RBM47: variants seen among roughly 807,000 people sequenced by gnomAD.
RBM47 encodes the protein RNA-binding protein 47.
Under a neutral mutation model 47.1 loss-of-function variants are expected in RBM47, and 21 were observed. The observed-to-expected ratio is 0.45, with a 90% CI of 0.32 to 0.64. The LOEUF (loss-of-function observed/expected upper bound fraction) is 0.64. RBM47 is among the 30% of genes least tolerant of loss of function. RBM47 has a pLI of 0.05. For missense variants in RBM47, 708 were observed against 870.9 expected (o/e 0.81, Z 2.35); for synonymous variants, 375 against 361.7 (o/e 1.04, Z -0.42).
chr4:40,462,814 A>G (rs886631691), intron 3 of RBM47, among the ~76,000 whole-genome samples: 1 of 152,198 alleles, frequency 6.6e-6, no homozygotes, highest in Non-Finnish European at 1.5e-5. Context: ...CAAATAGATC[A>G]AAGACCTAAA....
intron 1 of RBM47, among the ~76,000 whole-genome samples, chr4:40,610,610 C>CAAAA (rs34149753): frequency 1.3e-4 from 7 of 52,790 alleles, no homozygotes; most frequent in African/African-American, 1.7e-4. Flanking sequence ...GACTCCATCT[C>CAAAA]AAAAAAAAAA....
intron 2 of RBM47, among the ~76,000 whole-genome samples, chr4:40,533,749 T>G (rs991624678): frequency 6.6e-6 from 1 of 151,846 alleles, no homozygotes; most frequent in African/African-American, 2.4e-5. Flanking sequence ...GATCCTTGCA[T>G]CCTAGACCCT....
In RBM47 at chr4:40,565,571, G is replaced by C. The variant is rs28655609; in HGVS notation, c.-239-21065C>G. Among the ~76,000 whole-genome samples the C allele has an allele frequency of 8.1e-3, 1,229 of 152,238 alleles. 19 individuals carry two copies. The highest frequency in any genetic ancestry group is 0.026 in the African/African-American group (1,061 of 41,552). On this transcript the variant is annotated intron_variant, in intron 1 of 6. Transcript: ENST00000295971. The stretch of plus-strand genomic sequence containing the variant: ...TGTACAATTAGCCCTGGTGAAAAGT[G>C]CAAGCTTTGGAATTAAGATTTGGGC...
At chr4:40,505,271 C>T (rs1359105492) in intron 2 of RBM47, among the ~76,000 whole-genome samples, 1 of 151,152 alleles carries the variant, frequency 6.6e-6, no homozygotes, top group Non-Finnish European at 1.5e-5. Context: ...GGTGGCTGAT[C>T]ACTTGAGGCC....
intron 3 of RBM47, among the ~76,000 whole-genome samples, chr4:40,463,686 G>A (rs1026173036): frequency 2.1e-4 from 32 of 151,838 alleles, no homozygotes; most frequent in African/African-American, 7.3e-4. Flanking sequence ...GGCTAGAGGT[G>A]GGGTAGGTAA....
intron 3 of RBM47, among the ~76,000 whole-genome samples, chr4:40,465,594 G>A (rs188381619): frequency 6.0e-4 from 92 of 152,118 alleles, no homozygotes; most frequent in Non-Finnish European, 1.1e-3. Context: ...CAGGAGAATT[G>A]CTCGAACCCG....
chr4:40,466,737 A>G (rs1444416418), intron 2 of RBM47, 38 bp from the exon 3 acceptor site: 1 of 120,942 alleles, frequency 8.3e-6, no homozygotes, highest in Admixed American at 1.2e-4. Context: ...AATATTTTCT[A>G]TTTCAACATG....
At chr4:40,434,547 C>G (rs1217212556) in intron 5 of RBM47, among the ~76,000 whole-genome samples, 1 of 152,092 alleles carries the variant, frequency 6.6e-6, no homozygotes, top group African/African-American at 2.4e-5. Context: ...CCCTTCTCAA[C>G]AAGTAGAAGC....
At chr4:40,578,319 T>G (rs1294029498) in intron 1 of RBM47, among the ~76,000 whole-genome samples, 1 of 152,250 alleles carries the variant, frequency 6.6e-6, no homozygotes, top group African/African-American at 2.4e-5. Flanking sequence ...ATACTTTAAG[T>G]TCTTTCCTTC....
At chr4:40,514,994 C>T (rs1725405275) in intron 2 of RBM47, among the ~76,000 whole-genome samples, 1 of 152,224 alleles carries the variant, frequency 6.6e-6, no homozygotes, top group South Asian at 2.1e-4. Context: ...AGTAGCATCT[C>T]CACATTGACC....
intron 2 of RBM47, among the ~76,000 whole-genome samples, chr4:40,492,614 C>T (rs1722037164): frequency 6.6e-6 from 1 of 152,188 alleles, no homozygotes; most frequent in Non-Finnish European, 1.5e-5. Flanking sequence ...CACTAAAAAC[C>T]TCACCATGCA....
chr4:40,571,524 CT>C (rs1731708444), intron 1 of RBM47, among the ~76,000 whole-genome samples: 2 of 152,014 alleles, frequency 1.3e-5, no homozygotes, highest in Admixed American at 1.3e-4. Context: ...ATAGGAGAAT[CT>C]TTTATAATCT....
intron 1 of RBM47, among the ~76,000 whole-genome samples, chr4:40,572,175 G>C (rs1731793383): frequency 6.7e-6 from 1 of 150,164 alleles, no homozygotes; most frequent in Non-Finnish European, 1.5e-5. Context: ...CTGAGGTCAG[G>C]GGTTCGAAAC....
chr4:40,430,395 G>A (rs1715797157), intron 6 of RBM47, among the ~76,000 whole-genome samples: 2 of 152,152 alleles, frequency 1.3e-5, no homozygotes. Context: ...CTTACTAAAG[G>A]AGAATTAGAA....
At chr4:40,524,904 G>A (rs1016693771) in intron 2 of RBM47, among the ~76,000 whole-genome samples, 2 of 152,174 alleles carry the variant, frequency 1.3e-5, no homozygotes, top group African/African-American at 2.4e-5. Flanking sequence ...AAATGCAAAC[G>A]TTGTAAGCAA....
intron 4 of RBM47, 67 bp from the exon 5 acceptor site, chr4:40,436,714 C>T (rs1712485132): frequency 6.7e-7 from 1 of 1,498,428 alleles, no homozygotes; most frequent in Non-Finnish European, 9.2e-7. Flanking sequence ...GACCTCAGCC[C>T]TCGGTTCTCG....
intron 1 of RBM47, among the ~76,000 whole-genome samples, chr4:40,568,776 T>C (rs1407351372): frequency 2.6e-5 from 4 of 151,540 alleles, no homozygotes; most frequent in African/African-American, 9.7e-5. Context: ...AGGTCAGGAG[T>C]TCGAGACCAG....
At chr4:40,428,724 G>C (rs1715437104) in intron 6 of RBM47, among the ~76,000 whole-genome samples, 1 of 152,178 alleles carries the variant, frequency 6.6e-6, no homozygotes, top group African/African-American at 2.4e-5. Flanking sequence ...GGAATCAAGA[G>C]TAGGTCCCCA....
intron 2 of RBM47, among the ~76,000 whole-genome samples, chr4:40,486,435 T>G (rs762617363): frequency 8.5e-5 from 13 of 152,208 alleles, no homozygotes; most frequent in Non-Finnish European, 1.6e-4. Context: ...TTCAACTCTA[T>G]TCAAATCAAA....
Sources: allele counts gnomAD v4.1 joint callset (sites outside exome capture counted in the v4.1 genomes callset), GRCh38; gene constraint gnomAD v4.1.1; transcripts MANE v1.5; gene names NCBI Gene and HGNC (gene_info 2026-07-23, HGNC 2026-07-21).